The following ASTN2 variants were observed in gnomAD, a reference collection of about 807,000 sequenced individuals.
ASTN2 encodes astrotactin-2.
A neutral mutation model predicts 139.8 loss-of-function variants in ASTN2; 54 were observed. The ratio of observed to expected loss-of-function variants is 0.39; its 90% CI spans 0.31 to 0.48. ASTN2 has a LOEUF of 0.48. Ranked by LOEUF, ASTN2 falls within the 20% of genes least tolerant of loss-of-function variation. ASTN2 has a pLI of 0.95. For missense variants in ASTN2, 1,565 were observed against 1,725.1 expected (o/e 0.91, Z 1.64); for synonymous variants, 756 against 719.5 (o/e 1.05, Z -0.81).
intron 6 of ASTN2, among the ~76,000 whole-genome samples, chr9:117,015,475 T>A (rs565707902): frequency 3.2e-4 from 49 of 152,260 alleles, no homozygotes; most frequent in Admixed American, 2.0e-3. Context: ...CATGAATAAG[T>A]GAAGCACAGT....
At chr9:116,565,427 A>ATATATATTTATTTATT (rs1554714243) in intron 19 of ASTN2, among the ~76,000 whole-genome samples, 2 of 74,024 alleles carry the variant, frequency 2.7e-5, no homozygotes, top group Non-Finnish European at 5.1e-5. Context: ...ATATATATAT[A>ATATATATTTATTTATT]TATTTATTTA....
intron 1 of ASTN2, among the ~76,000 whole-genome samples, chr9:117,387,073 C>T (rs542186806): frequency 3.3e-5 from 5 of 152,124 alleles, no homozygotes; most frequent in Admixed American, 1.3e-4. Context: ...GTGGATTAAA[C>T]AGGAGAATAG....
At chr9:117,336,001 G>A (rs1263816345) in intron 1 of ASTN2, among the ~76,000 whole-genome samples, 1 of 147,850 alleles carries the variant, frequency 6.8e-6, no homozygotes, top group Non-Finnish European at 1.5e-5. Context: ...CGACAGCTTC[G>A]TTGAACAAAT....
intron 2 of ASTN2, among the ~76,000 whole-genome samples, chr9:117,275,728 G>C (rs1834171406): frequency 6.6e-6 from 1 of 152,000 alleles, no homozygotes; most frequent in Non-Finnish European, 1.5e-5. Flanking sequence ...ACCATGCCTG[G>C]CTAATTTTTG....
intron 13 of ASTN2, among the ~76,000 whole-genome samples, chr9:116,744,105 G>A (rs117452616): frequency 0.016 from 2,419 of 152,232 alleles, 44 homozygotes; most frequent in Non-Finnish European, 0.023. Flanking sequence ...GGCAGAAAAA[G>A]GAGGTGAGGG....
chr9:117,389,951 C>T (rs1048237951), intron 1 of ASTN2, among the ~76,000 whole-genome samples: 1 of 152,004 alleles, frequency 6.6e-6, no homozygotes, highest in Non-Finnish European at 1.5e-5. Context: ...CAGGGAGGCC[C>T]TCTGGGGTCT....
rs753519978 is a variant in ASTN2, at chr9:116,698,176, G to A, written c.2806+27595C>T. Reference sequence around the variant, plus strand: ...CCTGTCAAAGAAGCAGCTGAGGAGCGGCGTCGGGACTTTGGAGAGAAGTTA... The same window carrying A: ...CCTGTCAAAGAAGCAGCTGAGGAGCAGCGTCGGGACTTTGGAGAGAAGTTA... On this transcript the variant is annotated intron_variant, in intron 16 of 22. Transcript: ENST00000313400. This position sits in a 1 kb window ranked among gnomAD's most constrained non-coding sequence, Gnocchi z 4.4. The A allele has an allele frequency of 3.0e-5, 49 of 1,614,048 alleles. No individual in the cohort carries two copies. The highest frequency in any genetic ancestry group is 3.6e-5 in the Non-Finnish European group (42 of 1,180,056).
chr9:117,180,816 A>G, intron 3 of ASTN2: 1 of 1,541,860 alleles, frequency 6.5e-7, no homozygotes, highest in Non-Finnish European at 8.9e-7. Flanking sequence ...ATTCATCAAC[A>G]TTGAACTTGG....
intron 19 of ASTN2, among the ~76,000 whole-genome samples, chr9:116,528,096 TG>T (rs1463370973): frequency 6.6e-6 from 1 of 152,106 alleles, no homozygotes; most frequent in Non-Finnish European, 1.5e-5. Flanking sequence ...AGGCAGAAGT[TG>T]GAACAGTTTT....
intron 11 of ASTN2, among the ~76,000 whole-genome samples, chr9:116,842,869 T>C (rs1415626709): frequency 2.0e-5 from 3 of 151,106 alleles, no homozygotes; most frequent in Non-Finnish European, 4.4e-5. Flanking sequence ...CCTGCCCCCA[T>C]CCCCCAGGAG....
intron 20 of ASTN2, among the ~76,000 whole-genome samples, chr9:116,445,300 G>A (rs890968417): frequency 6.6e-6 from 1 of 152,176 alleles, no homozygotes; most frequent in Non-Finnish European, 1.5e-5. Context: ...AAAGTGGCTT[G>A]TAAGAAGAGG....
intron 1 of ASTN2, among the ~76,000 whole-genome samples, chr9:117,322,990 G>T (rs2130834363): frequency 6.6e-6 from 1 of 152,116 alleles, no homozygotes; most frequent in Admixed American, 6.5e-5. Flanking sequence ...CTAGAGTCAA[G>T]TCCAGAATTT....
chr9:117,246,799 C>T (rs1028637626), intron 2 of ASTN2, among the ~76,000 whole-genome samples: 5 of 152,226 alleles, frequency 3.3e-5, no homozygotes, highest in Middle Eastern at 3.4e-3. Context: ...CAAAGTCCTT[C>T]TAGTCTGGAG....
rs201598750 is a variant in ASTN2 at position 116,841,370 on chromosome 9, AGAGAGG to A, written c.2041-20593_2041-20588del. ...TCGGCATGAGAGGGAGACCGTGGAA[AGAGAGG>A]GAGAGGGAGAGGGAGAGGAGACTGA... On this transcript the variant is annotated intron_variant, in intron 11 of 22. Transcript: ENST00000313400. Among the ~76,000 whole-genome samples the A allele has an allele frequency of 4.1e-3, 617 of 152,272 alleles. 6 individuals are homozygous for A. Among genetic ancestry groups the A allele is most frequent in the African/African-American group, 8.7e-3 (360 of 41,556 alleles).
At chr9:116,599,125 G>T (rs1018547462) in intron 19 of ASTN2, among the ~76,000 whole-genome samples, 1 of 152,152 alleles carries the variant, frequency 6.6e-6, no homozygotes, top group Non-Finnish European at 1.5e-5. Context: ...GGATTAAGAC[G>T]ACCTAGAGTT....
intron 14 of ASTN2, among the ~76,000 whole-genome samples, chr9:116,730,990 CCTGG>C (rs1828762837): frequency 6.6e-6 from 1 of 151,952 alleles, no homozygotes; most frequent in South Asian, 2.1e-4. Flanking sequence ...TAGAAGAGAG[CCTGG>C]CTTATAGTAG....
intron 1 of ASTN2, among the ~76,000 whole-genome samples, chr9:117,341,652 A>G (rs932989223): frequency 2.6e-5 from 4 of 152,116 alleles, no homozygotes; most frequent in African/African-American, 9.7e-5. Flanking sequence ...GAGAGAGAAA[A>G]GCATGAAAAG....
intron 19 of ASTN2, among the ~76,000 whole-genome samples, chr9:116,564,378 G>C (rs1234265635): frequency 1.3e-5 from 2 of 152,178 alleles, no homozygotes; most frequent in African/African-American, 4.8e-5. Context: ...CAGCAGACCA[G>C]AGCTGGAAAA....
intron 5 of ASTN2, among the ~76,000 whole-genome samples, chr9:117,057,983 G>A (rs1587912975): frequency 6.6e-6 from 1 of 152,144 alleles, no homozygotes. Flanking sequence ...CAAAACATAT[G>A]AAAGTATGTT....
Sources: gnomAD v4.1 joint callset for allele counts (sites outside exome capture counted in the v4.1 genomes callset) on GRCh38, gnomAD v4.1.1 for gene constraint, Gnocchi (gnomAD v3.1) non-coding constraint, MANE v1.5 for transcripts, NCBI Gene and HGNC (gene_info 2026-07-23, HGNC 2026-07-21) for gene names.